ZNF611: variants seen among roughly 807,000 people sequenced by gnomAD.
The protein encoded by ZNF611 is zinc finger protein 611.
In ZNF611, 6 loss-of-function variants were observed where a neutral mutation model predicts 8.9. That is an observed-to-expected ratio of 0.68 (90% CI 0.37 to 1.34). The LOEUF (loss-of-function observed/expected upper bound fraction) is 1.34. Ranked by LOEUF, ZNF611 falls within the 40% of genes most tolerant of loss-of-function variation. The probability of loss-of-function intolerance (pLI) is 0.02; values close to 1 mark genes in which losing one functional copy is unlikely to be tolerated. For synonymous variants in ZNF611, 262 were observed against 279.7 expected (o/e 0.94, Z 0.63); for missense variants, 874 against 841.3 (o/e 1.04, Z -0.48).
chr19:52,706,439 T>A lies in ZNF611; in HGVS notation c.616A>T (p.Asn206Tyr), dbSNP rs1379495985. 6.2e-7 allele frequency: 1 copy of A among 1,614,080 alleles called. No homozygotes were observed. ...ISCRPQTQIS[N>Y]NYGNNPLNSS... is the part of the protein sequence containing the mutation. ...TTCAGGGGATTATTCCCATAGTTAT[T>A]AGAAATCTGGGTTTGGGGCCTACAG... Residue 206 changes from asparagine (N) to tyrosine (Y), a missense_variant, in exon 6 of 6, where the codon AAT becomes TAT. Asn to Tyr is a moderately radical substitution (Grantham distance 143). Coordinates refer to ENST00000652185, the MANE Select transcript of ZNF611 (RefSeq NM_001161499.2).
intron 3 of ZNF611, among the ~76,000 whole-genome samples, chr19:52,718,730 G>A (rs1454832693): frequency 1.3e-5 from 2 of 151,914 alleles, no homozygotes; most frequent in Non-Finnish European, 2.9e-5. Context: ...CTCCAGAGGC[G>A]AACTTTGCAG....
rs898092877 is a variant in ZNF611 at position 52,706,103 on chromosome 19, T to C, written c.952A>G (p.Asn318Asp). ...TGACCAAAGATCTTGCCACACTCAT[T>C]ACAATTGTAACGTTTTACTCCAGTA... ...LHTGVKRYNC[N>D]ECGKIFGQNS... The change falls in exon 6 of 6, where the codon AAT becomes GAT. Residue 318 changes from asparagine to aspartate, a missense_variant. By Grantham distance (23) the Asn-to-Asp change is conservative. Coordinates refer to ENST00000652185, the MANE Select transcript of ZNF611 (RefSeq NM_001161499.2). 1.1e-5 allele frequency: 17 copies of C among 1,613,958 alleles called. No individual in the cohort carries two copies. The highest frequency in any genetic ancestry group is 1.4e-5 in the Non-Finnish European group (17 of 1,179,980).
intron 3 of ZNF611, among the ~76,000 whole-genome samples, chr19:52,723,184 A>G (rs1024453679): frequency 4.8e-5 from 7 of 146,166 alleles, no homozygotes; most frequent in Admixed American, 4.1e-4. Context: ...CTCTCCTGCA[A>G]TTTATCCCCT....
At chr19:52,720,549 ATGGGG>A (rs2062350318) in intron 3 of ZNF611, among the ~76,000 whole-genome samples, 2 of 147,386 alleles carry the variant, frequency 1.4e-5, no homozygotes, top group African/African-American at 5.1e-5. Context: ...CACCTCCCAG[ATGGGG>A]CAGCCGGGCA....
At position 52,707,252 on chromosome 19, in the gene ZNF611, T is replaced by TAA. The variant is rs59927537; in HGVS notation, c.191-390_191-389dup. ...ATATTTACTCTATACAAATAAATGCTAAAAAAAAAAAAAAAACTCCCCACA... is the reference window on the plus strand; with the variant it reads ...ATATTTACTCTATACAAATAAATGCTAAAAAAAAAAAAAAAAAACTCCCCACA... On this transcript the variant is annotated intron_variant, in intron 5 of 5. Transcript: ENST00000652185. The TAA allele has an allele frequency of 6.1e-3, 609 of 99,972 alleles. 6 individuals carry two copies. Among genetic ancestry groups the TAA allele is most frequent in the African/African-American group, 0.016 (425 of 27,212 alleles). 6.2% of individuals were successfully genotyped at this position (99,972 alleles called of 1,614,324 possible).
intron 3 of ZNF611, among the ~76,000 whole-genome samples, chr19:52,717,203 A>G (rs930692977): frequency 6.6e-6 from 1 of 152,178 alleles, no homozygotes; most frequent in Non-Finnish European, 1.5e-5. Context: ...GTCTCCATAA[A>G]ATGTATAAAA....
intron 4 of ZNF611, among the ~76,000 whole-genome samples, chr19:52,714,693 ACAAAACAAAAC>A (rs2062303895): frequency 2.8e-5 from 2 of 72,328 alleles, no homozygotes; most frequent in African/African-American, 1.9e-4. Flanking sequence ...ATCTCAAAAA[ACAAAACAAAAC>A]AAAACAAAAA....
Position 52,714,077 on chromosome 19 carries a change from G to A in ZNF611, c.128C>T (p.Pro43Leu), listed in dbSNP as rs1186982280. Residue 43 changes from proline to leucine, a missense_variant, in exon 5 of 6, where the codon CCT becomes CTT. By Grantham distance (98) the Pro-to-Leu change is moderately conservative (BLOSUM62 -3). Coordinates refer to ENST00000652185, the MANE Select transcript of ZNF611 (RefSeq NM_001161499.2). Reference protein sequence around the residue: ...FSLAEWKCLNPSQRALYREVM... With the variant: ...FSLAEWKCLNLSQRALYREVM... ...TTCCCTGTACAAAGCCCTCTGTGAA[G>A]GGTTCAGGCATTTCCACTCTGCCAA... The A allele has an allele frequency of 1.6e-5, 26 of 1,614,084 alleles. No homozygotes were observed. Among genetic ancestry groups the A allele is most frequent in the Middle Eastern group, 1.6e-4 (1 of 6,062 alleles).
chr19:52,714,267 A>G, intron 4 of ZNF611, 126 bp from the exon 5 acceptor site: 1 of 1,499,704 alleles, frequency 6.7e-7, no homozygotes, highest in Non-Finnish European at 8.9e-7. Context: ...AAGGATGTTA[A>G]GGTATTTTTG....
chr19:52,723,820 T>C (rs916611508), intron 3 of ZNF611: 7 of 152,178 alleles, frequency 4.6e-5, no homozygotes, highest in Non-Finnish European at 1.0e-4. Flanking sequence ...CAGGAAATCA[T>C]GTAAGCAAAG....
chr19:52,726,427 T>G (rs1490629770), intron 3 of ZNF611, among the ~76,000 whole-genome samples: 1 of 152,184 alleles, frequency 6.6e-6, no homozygotes, highest in Non-Finnish European at 1.5e-5. Flanking sequence ...TTTTTATTTA[T>G]TTTTATTTTT....
intron 5 of ZNF611, among the ~76,000 whole-genome samples, chr19:52,709,544 A>T (rs1266176978): frequency 1.3e-5 from 2 of 151,102 alleles, no homozygotes; most frequent in African/African-American, 4.9e-5. Flanking sequence ...TGCTGGGATT[A>T]CAGGCGTGAG....
In ZNF611 at chr19:52,704,973, T is replaced by TA; in HGVS notation, c.2081_2082insT (p.Arg695ThrfsTer4). ...CTCCAGTATGAATTCTATGATGACG[T>TA]GAAAGGTGTGATTGTTGATTAAAAG... is the stretch of plus-strand genomic sequence containing the variant. On this transcript the variant is annotated frameshift_variant, in exon 6 of 6. Transcript: ENST00000652185. LOFTEE classifies it low-confidence loss of function (END_TRUNC). 6.2e-7 allele frequency: 1 copy of TA among 1,614,136 alleles called. No homozygotes were observed. Among genetic ancestry groups the TA allele is most frequent in the South Asian group, 1.1e-5 (1 of 91,068 alleles).
At chr19:52,714,909 G>A (rs1216605855) in intron 4 of ZNF611, among the ~76,000 whole-genome samples, 5 of 149,972 alleles carry the variant, frequency 3.3e-5, no homozygotes, top group Admixed American at 6.6e-5. Context: ...GAGGCAGGAG[G>A]ATCGCTTGAA....
At chr19:52,722,905 G>GTTTTT (rs372056346) in intron 3 of ZNF611, among the ~76,000 whole-genome samples, 7 of 119,962 alleles carry the variant, frequency 5.8e-5, no homozygotes, top group African/African-American at 9.3e-5. Flanking sequence ...TTTTGTTTTC[G>GTTTTT]TTTTTTTTTT....
At chr19:52,730,677 T>G (rs1381393006) in intron 1 of ZNF611, among the ~76,000 whole-genome samples, 1 of 151,398 alleles carries the variant, frequency 6.6e-6, no homozygotes, top group East Asian at 2.0e-4. Flanking sequence ...CTTTGCCTCC[T>G]GGGTTCAAGC....
chr19:52,715,696 C>G, intron 4 of ZNF611, 136 bp downstream of exon 4: 1 of 1,397,332 alleles, frequency 7.2e-7, no homozygotes, highest in South Asian at 1.3e-5. Context: ...CTGAGAGGAA[C>G]TGAGGGCAGG....
At chr19:52,722,563 C>CAG (rs1215951712) in intron 3 of ZNF611, among the ~76,000 whole-genome samples, 3 of 152,054 alleles carry the variant, frequency 2.0e-5, no homozygotes, top group African/African-American at 7.2e-5. Context: ...TGGAAGCTAA[C>CAG]CTCTGACACC....
In ZNF611 at chr19:52,705,567, A is replaced by G. The variant is rs1301004127; in HGVS notation, c.1488T>C (p.Asp496=). The change falls in exon 6 of 6, where the codon GAT becomes GAC. Residue 496 remains aspartate, a synonymous_variant. Transcript: ENST00000652185. Reference sequence around the variant, plus strand: ...TATGAATTGACTTATGAATTAAAAGATCTGAATTTTGACCAAAGGTCTTCC... The same window carrying G: ...TATGAATTGACTTATGAATTAAAAGGTCTGAATTTTGACCAAAGGTCTTCC... ...ECGKTFGQNS[D]LLIHKSIHTG... 1 of 1,613,774 alleles carries G rather than the reference A, an allele frequency of 6.2e-7. No individual in the cohort carries two copies. The highest frequency in any genetic ancestry group is 8.5e-7 in the Non-Finnish European group (1 of 1,179,950).
Sources: allele counts gnomAD v4.1 joint callset (sites outside exome capture counted in the v4.1 genomes callset), GRCh38; gene constraint gnomAD v4.1.1; transcripts MANE v1.5; gene names NCBI Gene and HGNC (gene_info 2026-07-23, HGNC 2026-07-21).